SHMT1: variants seen among roughly 807,000 people sequenced by gnomAD.
SHMT1 encodes the protein serine hydroxymethyltransferase 1, also known as serine hydroxymethyltransferase, cytosolic.
In SHMT1, 45 loss-of-function variants were observed where a neutral mutation model predicts 49.0. The observed-to-expected ratio is 0.92, with a 90% CI of 0.72 to 1.18. The LOEUF (loss-of-function observed/expected upper bound fraction) is 1.18. Among genes scored for constraint, SHMT1 ranks in the 50% most tolerant of loss-of-function variants. SHMT1 has a pLI of 0.00. For missense variants in SHMT1, 541 were observed against 612.4 expected (o/e 0.88, Z 1.23); for synonymous variants, 232 against 246.6 (o/e 0.94, Z 0.55).
chr17:18,353,986 C>T (rs969900318), intron 2 of SHMT1, among the ~76,000 whole-genome samples, 169 bp from the exon 3 acceptor site: 3 of 152,172 alleles, frequency 2.0e-5, no homozygotes, highest in Non-Finnish European at 2.9e-5. Flanking sequence ...AATGAATTAA[C>T]AAAAACAAAA....
chr17:18,336,232 G>A (rs555141035), intron 7 of SHMT1, among the ~76,000 whole-genome samples: 16 of 151,766 alleles, frequency 1.1e-4, no homozygotes, highest in Non-Finnish European at 2.1e-4. Context: ...AGCCAAGATC[G>A]CGCCAGTGCA....
intron 1 of SHMT1, among the ~76,000 whole-genome samples, chr17:18,357,006 G>T (rs1986298340): frequency 6.6e-6 from 1 of 152,012 alleles, no homozygotes; most frequent in Non-Finnish European, 1.5e-5. Flanking sequence ...TTCCGGCCGG[G>T]CACGGTGGCT....
intron 1 of SHMT1, among the ~76,000 whole-genome samples, chr17:18,361,429 G>T (rs535597386): frequency 6.6e-6 from 1 of 151,096 alleles, no homozygotes; most frequent in African/African-American, 2.4e-5. Context: ...AGTGGACCGA[G>T]ATCATGCCAC....
chr17:18,354,688 C>T (rs919423329), intron 2 of SHMT1, among the ~76,000 whole-genome samples: 2 of 152,094 alleles, frequency 1.3e-5, no homozygotes, highest in Admixed American at 6.6e-5. Flanking sequence ...TTTATTCCTA[C>T]ATTTCACCAA....
intron 3 of SHMT1, among the ~76,000 whole-genome samples, chr17:18,351,317 A>AT (rs554850574): frequency 0.01 from 1,527 of 148,624 alleles, 34 homozygotes; most frequent in African/African-American, 0.036. Context: ...ATTTTTTTGT[A>AT]TTTTTTTTTA....
chr17:18,342,233 T>C lies in SHMT1; in HGVS notation c.520-1420A>G, dbSNP rs1032939878. On this transcript the variant is annotated intron_variant, in intron 5 of 11. Coordinates refer to ENST00000316694, the MANE Select transcript of SHMT1 (RefSeq NM_004169.5). ...ATAATAATCAGTCTGAAAAAAGAAA[T>C]TCTGTCATTTGCAACAACACCGATG... Among the ~76,000 whole-genome samples the C allele has an allele frequency of 2.0e-5, 3 of 152,042 alleles. No individual in the cohort carries two copies. In the South Asian group the frequency reaches 6.2e-4, roughly 32 times the overall value.
chr17:18,353,712 A>C lies in SHMT1; in HGVS notation c.202T>G (p.Cys68Gly), dbSNP rs759414144. ...SRAVLEALGS[C>G]LNNKYSEGYP... is the part of the protein sequence containing the mutation. ...CCCTCAGAGTATTTGTTATTTAAGC[A>C]AGAGCCTAGGGCCTCCAAAACTGCT... The change falls in exon 3 of 12, where the codon TGC (cysteine) becomes GGC (glycine). Residue 68 changes from cysteine to glycine, a missense_variant. Physicochemically the swap from Cys to Gly is radical, Grantham distance 159. Transcript: ENST00000316694. The C allele has an allele frequency of 1.4e-5, 23 of 1,614,060 alleles. No individual in the cohort carries two copies. Among genetic ancestry groups the C allele is most frequent in the Non-Finnish European group, 1.9e-5 (23 of 1,180,046 alleles).
intron 9 of SHMT1, chr17:18,331,185 G>A (rs890389646): frequency 3.4e-5 from 9 of 261,500 alleles, no homozygotes; most frequent in Admixed American, 2.0e-4. Flanking sequence ...AGAGTTTTCT[G>A]GACCTGGCCC....
In SHMT1 at chr17:18,350,087, C is replaced by T. The variant is rs549026775; in HGVS notation, c.243-1647G>A. Among the ~76,000 whole-genome samples, 22 of 151,462 alleles carry T rather than the reference C, an allele frequency of 1.5e-4. No homozygotes were observed. The South Asian group carries it at 3.2e-3, about 22-fold the overall frequency. On this transcript the variant is annotated intron_variant, in intron 3 of 11. Coordinates refer to ENST00000316694, the MANE Select transcript of SHMT1 (RefSeq NM_004169.5). The stretch of plus-strand genomic sequence containing the variant: ...CTCACGCCTGTAATCCCAGCACTTT[C>T]GGAGGCCGAGGCGGGCGGATCACGA...
chr17:18,355,369 C>CAA (rs778650524), intron 2 of SHMT1, among the ~76,000 whole-genome samples: 3,284 of 62,638 alleles, frequency 0.052, 244 homozygotes, highest in African/African-American at 0.16. Flanking sequence ...GACTCTGTCT[C>CAA]AAAAAAAAAA....
chr17:18,332,890 C>G, intron 9 of SHMT1: 1 of 473,758 alleles, frequency 2.1e-6, no homozygotes, highest in South Asian at 1.9e-5. Context: ...TCAGGTCATC[C>G]TCCTGCAAAG....
At chr17:18,346,725 T>C (rs572371297) in intron 5 of SHMT1, among the ~76,000 whole-genome samples, 1 of 152,284 alleles carries the variant, frequency 6.6e-6, no homozygotes, top group East Asian at 1.9e-4. Flanking sequence ...CAACCTAGTC[T>C]GGCCTACCTT....
At chr17:18,355,450 G>GA (rs1174117860) in intron 2 of SHMT1, among the ~76,000 whole-genome samples, 1 of 151,686 alleles carries the variant, frequency 6.6e-6, no homozygotes, top group Non-Finnish European at 1.5e-5. Flanking sequence ...TGAGGCTGGA[G>GA]AATCCCTTGA....
intron 9 of SHMT1, chr17:18,331,586 C>G (rs1337809239): frequency 1.3e-5 from 2 of 152,550 alleles, no homozygotes; most frequent in Non-Finnish European, 2.9e-5. Flanking sequence ...GACAATGACA[C>G]AGTCACCAGG....
intron 5 of SHMT1, among the ~76,000 whole-genome samples, chr17:18,344,858 G>A (rs745321004): frequency 7.9e-5 from 12 of 152,304 alleles, no homozygotes; most frequent in South Asian, 2.1e-4. Flanking sequence ...TAATGTTGCT[G>A]TTGCTCTAGC....
chr17:18,344,760 A>G (rs1026207519), intron 5 of SHMT1, among the ~76,000 whole-genome samples: 2 of 152,168 alleles, frequency 1.3e-5, no homozygotes, highest in Non-Finnish European at 2.9e-5. Context: ...AGGATAAGGA[A>G]GGAGACCCCA....
chr17:18,354,615 T>G (rs1297496525), intron 2 of SHMT1, among the ~76,000 whole-genome samples: 1 of 151,660 alleles, frequency 6.6e-6, no homozygotes, highest in Non-Finnish European at 1.5e-5. Flanking sequence ...AAAAACAAAA[T>G]GATTGAAGAG....
At chr17:18,330,217 C>T (rs1983046986) in intron 10 of SHMT1, among the ~76,000 whole-genome samples, 1 of 151,904 alleles carries the variant, frequency 6.6e-6, no homozygotes, top group South Asian at 2.1e-4. Flanking sequence ...CTCACTGCAA[C>T]CTCTGCCTCC....
intron 1 of SHMT1, among the ~76,000 whole-genome samples, chr17:18,356,855 A>G (rs142127633): frequency 6.6e-6 from 1 of 151,714 alleles, no homozygotes; most frequent in Non-Finnish European, 1.5e-5. Context: ...AGGGAGCCCA[A>G]CTCCGCCTCC....
Sources: gnomAD v4.1 joint callset for allele counts (sites outside exome capture counted in the v4.1 genomes callset) on GRCh38, gnomAD v4.1.1 for gene constraint, MANE v1.5 for transcripts, NCBI Gene and HGNC (gene_info 2026-07-23, HGNC 2026-07-21) for gene names.